The following HDAC9 variants were observed in gnomAD, a reference collection of about 807,000 sequenced individuals.
HDAC9 encodes MEF-2 interacting transcription repressor (MITR) protein.
HDAC9 carries 41 observed loss-of-function variants against 139.4 expected under a neutral mutation model. The observed-to-expected ratio is 0.29, with a 90% CI of 0.23 to 0.38. The LOEUF (loss-of-function observed/expected upper bound fraction) is 0.38, where lower values mean the gene tolerates loss of function less well. Ranked by LOEUF, HDAC9 falls within the 10% of genes least tolerant of loss-of-function variation. HDAC9 has a pLI of 1.00. For synonymous variants in HDAC9, 517 were observed against 476.2 expected (o/e 1.09, Z -1.12); for missense variants, 1,147 against 1,297.0 (o/e 0.88, Z 1.78).
intron 22 of HDAC9, among the ~76,000 whole-genome samples, chr7:18,893,780 T>C (rs117129149): frequency 0.029 from 4,394 of 152,146 alleles, 94 homozygotes; most frequent in Admixed American, 0.047. Context: ...CAAGGGAGGT[T>C]TGTGATTTTT....
chr7:18,121,287 T>C (rs1784352537), intron 1 of HDAC9, among the ~76,000 whole-genome samples: 1 of 152,184 alleles, frequency 6.6e-6, no homozygotes, highest in African/African-American at 2.4e-5. Flanking sequence ...GACTTGCACA[T>C]TGAAAAATAT....
At chr7:18,259,564 C>T (rs1795508767) in intron 2 of HDAC9, among the ~76,000 whole-genome samples, 1 of 151,980 alleles carries the variant, frequency 6.6e-6, no homozygotes, top group Non-Finnish European at 1.5e-5. Context: ...AGAATCTCAC[C>T]ATGTTACCCA....
intron 17 of HDAC9, among the ~76,000 whole-genome samples, chr7:18,818,182 G>A (rs1794707373): frequency 6.6e-6 from 1 of 152,102 alleles, no homozygotes; most frequent in African/African-American, 2.4e-5. Context: ...TTATTTTACT[G>A]AGCATTGATA....
chr7:18,816,934 G>T (rs910115958), intron 17 of HDAC9, among the ~76,000 whole-genome samples: 2 of 151,246 alleles, frequency 1.3e-5, no homozygotes, highest in Non-Finnish European at 3.0e-5. Context: ...AGGACCTAAA[G>T]AATTTTGATT....
chr7:18,757,780 T>C (rs1789011439), intron 14 of HDAC9, among the ~76,000 whole-genome samples: 2 of 152,136 alleles, frequency 1.3e-5, no homozygotes, highest in South Asian at 4.1e-4. Context: ...TTTTATCCTG[T>C]CACAGTATGA....
intron 12 of HDAC9, among the ~76,000 whole-genome samples, chr7:18,704,568 C>G (rs900267946): frequency 2.6e-5 from 4 of 152,216 alleles, no homozygotes; most frequent in African/African-American, 9.6e-5. Flanking sequence ...GCATTCTCAT[C>G]TACTTTGACC....
intron 17 of HDAC9, among the ~76,000 whole-genome samples, chr7:18,822,347 T>TTTGTTG (rs3085431): frequency 4.9e-4 from 73 of 149,982 alleles, no homozygotes; most frequent in African/African-American, 1.1e-3. Flanking sequence ...TGTTTGTTTG[T>TTTGTTG]TTGTTGTTGT....
rs552494335 is a variant in HDAC9, at chr7:18,631,661, C to CT, written c.796+2189dup. On this transcript the variant is annotated intron_variant, in intron 7 of 25. Transcript: ENST00000686413. ...ATTGACATGGGAACCCACTTGCCAT[C>CT]TTTTTTTTTCAAATTCAAGTATTTT... 2.3e-4 allele frequency among the ~76,000 whole-genome samples: 34 copies of CT among 151,052 alleles called. 1 individual carries two copies. In the South Asian group the frequency reaches 5.0e-3, roughly 22 times the overall value.
chr7:18,648,435 T>C (rs1485065862), intron 10 of HDAC9, 31 bp from the exon 11 acceptor site: 1 of 1,457,054 alleles, frequency 6.9e-7, no homozygotes, highest in African/African-American at 1.4e-5. Context: ...TGTGTGTGTA[T>C]ACACACATAT....
chr7:18,632,895 A>C (rs144954652), intron 7 of HDAC9, among the ~76,000 whole-genome samples: 182 of 152,176 alleles, frequency 1.2e-3, no homozygotes, highest in African/African-American at 4.2e-3. Flanking sequence ...TGCAGTAAAG[A>C]GAGAGTGAGG....
chr7:18,090,254 G>T (rs1782059630), intron 1 of HDAC9, among the ~76,000 whole-genome samples: 1 of 152,150 alleles, frequency 6.6e-6, no homozygotes. Context: ...AGAGCAAGCT[G>T]CTCCTGTGTC....
intron 12 of HDAC9, among the ~76,000 whole-genome samples, chr7:18,719,612 T>C (rs1211450133): frequency 6.6e-6 from 1 of 152,188 alleles, no homozygotes; most frequent in African/African-American, 2.4e-5. Context: ...AGTGCTGGGA[T>C]TACAGGTGTG....
At chr7:18,923,215 T>C (rs906491951) in intron 22 of HDAC9, among the ~76,000 whole-genome samples, 7 of 152,076 alleles carry the variant, frequency 4.6e-5, no homozygotes, top group Non-Finnish European at 1.0e-4. Context: ...CATCTATCCG[T>C]TAATATCCAG....
intron 14 of HDAC9, among the ~76,000 whole-genome samples, chr7:18,761,352 G>A (rs779254283): frequency 3.3e-5 from 5 of 152,180 alleles, no homozygotes; most frequent in South Asian, 4.1e-4. Context: ...GGAAAAAATT[G>A]ATGGAGTCTA....
intron 1 of HDAC9, among the ~76,000 whole-genome samples, chr7:18,149,558 T>G (rs1786604635): frequency 6.6e-6 from 1 of 150,990 alleles, no homozygotes; most frequent in South Asian, 2.1e-4. Flanking sequence ...TATTTATTAT[T>G]ATTTTTTTTT....
intron 1 of HDAC9, among the ~76,000 whole-genome samples, chr7:18,315,049 G>A (rs1438413463): frequency 3.3e-5 from 5 of 152,140 alleles, no homozygotes; most frequent in African/African-American, 1.2e-4. Context: ...CCACACACAG[G>A]TTGTGATCTG....
At chr7:18,864,614 A>T (rs868361824) in intron 21 of HDAC9, among the ~76,000 whole-genome samples, 2,181 of 47,640 alleles carry the variant, frequency 0.046, 64 homozygotes, top group African/African-American at 0.19. Flanking sequence ...ACCACAATTA[A>T]AAAAAAAAAA....
At chr7:18,959,504 A>G (rs1783383139) in intron 24 of HDAC9, among the ~76,000 whole-genome samples, 1 of 152,152 alleles carries the variant, frequency 6.6e-6, no homozygotes, top group Non-Finnish European at 1.5e-5. Flanking sequence ...TTCTTTCACA[A>G]TTTTGCTGCA....
intron 1 of HDAC9, among the ~76,000 whole-genome samples, chr7:18,423,086 G>C (rs1384639290): frequency 6.6e-6 from 1 of 152,092 alleles, no homozygotes; most frequent in Non-Finnish European, 1.5e-5. Flanking sequence ...TAAACTAGTG[G>C]ATTTTATTAA....
Sources: allele counts gnomAD v4.1 joint callset (sites outside exome capture counted in the v4.1 genomes callset), GRCh38; gene constraint gnomAD v4.1.1; transcripts MANE v1.5; gene names NCBI Gene and HGNC (gene_info 2026-07-23, HGNC 2026-07-21).